Variants in ADGRB3 observed in about 807,000 individuals in gnomAD.
ADGRB3 encodes the protein adhesion G protein-coupled receptor B3.
A neutral mutation model predicts 193.4 loss-of-function variants in ADGRB3; 37 were observed. That is an observed-to-expected ratio of 0.19 (90% CI 0.15 to 0.25). The LOEUF is 0.25. ADGRB3 is among the 10% of genes least tolerant of loss of function. ADGRB3 has a pLI of 1.00. For missense variants in ADGRB3, 1,637 were observed against 1,852.9 expected, an observed-to-expected ratio of 0.88 and a Z score of 2.14; for synonymous variants, 690 against 644.2, an observed-to-expected ratio of 1.07 and a Z score of -1.08.
At chr6:68,932,982 CT>C (rs976901614) in intron 4 of ADGRB3, among the ~76,000 whole-genome samples, 6 of 149,604 alleles carry the variant, frequency 4.0e-5, no homozygotes, top group Non-Finnish European at 7.4e-5. Flanking sequence ...GTGAGTGTGA[CT>C]TTTTTAAAAA....
At chr6:68,646,475 C>CAAAAAAAAAAAAAAAAA (rs368034374) in intron 3 of ADGRB3, among the ~76,000 whole-genome samples, 1 of 107,604 alleles carries the variant, frequency 9.3e-6, no homozygotes, top group African/African-American at 4.6e-5. Flanking sequence ...GAAACTCTGT[C>CAAAAAAAAAAAAAAAAA]AAAAAAAAAA....
At chr6:69,189,709 C>T (rs1765145922) in intron 17 of ADGRB3, among the ~76,000 whole-genome samples, 1 of 152,136 alleles carries the variant, frequency 6.6e-6, no homozygotes, top group Non-Finnish European at 1.5e-5. Context: ...CCTTAGATTG[C>T]TCATCAATAA....
At chr6:69,150,370 C>A (rs1218464228) in intron 17 of ADGRB3, among the ~76,000 whole-genome samples, 1 of 152,114 alleles carries the variant, frequency 6.6e-6, no homozygotes, top group Non-Finnish European at 1.5e-5. Context: ...GCAGAAAAGT[C>A]TTTCCCCACA....
intron 2 of ADGRB3, among the ~76,000 whole-genome samples, chr6:68,638,084 G>C (rs1157767113): frequency 6.6e-6 from 1 of 152,336 alleles, no homozygotes; most frequent in African/African-American, 2.4e-5. Context: ...GGGGCATTTG[G>C]GAGATGATGT....
chr6:68,865,612 G>T (rs1582266251), intron 3 of ADGRB3, among the ~76,000 whole-genome samples: 1 of 152,038 alleles, frequency 6.6e-6, no homozygotes, highest in South Asian at 2.1e-4. Context: ...TAACTGCAGG[G>T]GTCCCTTTAT....
intron 3 of ADGRB3, among the ~76,000 whole-genome samples, chr6:68,803,615 C>A (rs928759970): frequency 6.6e-6 from 1 of 152,124 alleles, no homozygotes; most frequent in East Asian, 1.9e-4. Flanking sequence ...TTTCACTATC[C>A]TCTTCTTGTC....
intron 3 of ADGRB3, among the ~76,000 whole-genome samples, chr6:68,698,504 T>C (rs1266679619): frequency 1.3e-5 from 2 of 152,056 alleles, no homozygotes; most frequent in African/African-American, 4.8e-5. Flanking sequence ...TCAGTTTATT[T>C]TATTTGAGAT....
At position 68,779,339 on chromosome 6, in the gene ADGRB3, T is replaced by C. The variant is rs1270617598; in HGVS notation, c.757+139907T>C. ...ATAGCAGATGTAGCAGAGTTATCTTTCCCCCCTCATTCTCCCCACAAACAT... is the reference window on the plus strand; with the variant it reads ...ATAGCAGATGTAGCAGAGTTATCTTCCCCCCCTCATTCTCCCCACAAACAT... On this transcript the variant is annotated intron_variant, in intron 3 of 31. Coordinates refer to ENST00000370598, the MANE Select transcript of ADGRB3 (RefSeq NM_001704.3). 4.0e-5 allele frequency among the ~76,000 whole-genome samples: 6 copies of C among 151,044 alleles called. No homozygotes were observed. The South Asian group carries it at 8.4e-4, about 21-fold the overall frequency.
intron 3 of ADGRB3, among the ~76,000 whole-genome samples, chr6:68,794,122 A>G (rs1362973884): frequency 1.3e-5 from 2 of 152,168 alleles, no homozygotes; most frequent in African/African-American, 2.4e-5. Flanking sequence ...CATACTGTCT[A>G]TAATATAACC....
At chr6:68,900,937 G>A (rs1460013500) in intron 3 of ADGRB3, among the ~76,000 whole-genome samples, 1 of 152,014 alleles carries the variant, frequency 6.6e-6, no homozygotes, top group Non-Finnish European at 1.5e-5. Context: ...ATATTTCAAG[G>A]ATAATAACTT....
intron 13 of ADGRB3, among the ~76,000 whole-genome samples, chr6:69,026,916 AG>A: frequency 6.6e-6 from 1 of 152,218 alleles, no homozygotes; most frequent in Non-Finnish European, 1.5e-5. Flanking sequence ...TGCATGAGTC[AG>A]TGAGTGAGTG....
chr6:68,640,613 C>A (rs974493869), intron 3 of ADGRB3, among the ~76,000 whole-genome samples: 1 of 152,210 alleles, frequency 6.6e-6, no homozygotes, highest in Non-Finnish European at 1.5e-5. Flanking sequence ...AAACTCCAGT[C>A]GCCAAGCTCC....
At chr6:69,090,417 T>TGGAA (rs1234125960) in intron 17 of ADGRB3, among the ~76,000 whole-genome samples, 1 of 152,214 alleles carries the variant, frequency 6.6e-6, no homozygotes, top group Non-Finnish European at 1.5e-5. Context: ...ATGGCCTTGC[T>TGGAA]TTCCAGTATA....
chr6:69,018,089 A>C (rs1363233566), intron 12 of ADGRB3, among the ~76,000 whole-genome samples: 3 of 151,940 alleles, frequency 2.0e-5, no homozygotes, highest in Non-Finnish European at 4.4e-5. Flanking sequence ...TAAGTGATGA[A>C]AAGAGTTCAT....
chr6:68,654,481 A>T (rs1216330457), intron 3 of ADGRB3, among the ~76,000 whole-genome samples: 1 of 152,022 alleles, frequency 6.6e-6, no homozygotes. Context: ...CAAAATGAAA[A>T]AATAAACACT....
chr6:68,965,443 A>G (rs913460332), intron 8 of ADGRB3, among the ~76,000 whole-genome samples: 11 of 130,324 alleles, frequency 8.4e-5, no homozygotes, highest in African/African-American at 2.8e-4. Context: ...TGAGTAGTAC[A>G]TGTTTTTTTT....
chr6:68,976,850 G>A (rs1768763613), intron 10 of ADGRB3, among the ~76,000 whole-genome samples: 3 of 151,894 alleles, frequency 2.0e-5, no homozygotes, highest in African/African-American at 4.8e-5. Flanking sequence ...TTGTTCAAGG[G>A]CCATTGCTAC....
chr6:69,214,931 C>A (rs754945701), intron 17 of ADGRB3, among the ~76,000 whole-genome samples: 1 of 151,954 alleles, frequency 6.6e-6, no homozygotes, highest in Non-Finnish European at 1.5e-5. Context: ...AGGAACAAGA[C>A]CTACGCATAG....
At chr6:69,331,356 C>A (rs561254652) in intron 23 of ADGRB3, among the ~76,000 whole-genome samples, 2 of 152,118 alleles carry the variant, frequency 1.3e-5, no homozygotes, top group Non-Finnish European at 2.9e-5. Flanking sequence ...CCCAATAAAT[C>A]TTTAAAGAAA....
Sources: gnomAD v4.1 joint callset for allele counts (sites outside exome capture counted in the v4.1 genomes callset) on GRCh38, gnomAD v4.1.1 for gene constraint, MANE v1.5 for transcripts, NCBI Gene and HGNC (gene_info 2026-07-23, HGNC 2026-07-21) for gene names.